ATP9B: variants seen among roughly 807,000 people sequenced by gnomAD.
The protein encoded by ATP9B is probable phospholipid-transporting ATPase IIB.
Under a neutral mutation model 146.1 loss-of-function variants are expected in ATP9B, and 110 were observed. The observed-to-expected ratio is 0.75, with a 90% CI of 0.65 to 0.88. ATP9B has a LOEUF of 0.88. Ranked by LOEUF, ATP9B falls within the 40% of genes least tolerant of loss-of-function variation. The pLI, the probability that ATP9B is intolerant of heterozygous loss-of-function variation, is 0.00. For missense variants in ATP9B, 1,499 were observed against 1,496.4 expected (o/e 1.00, Z -0.03); for synonymous variants, 604 against 569.7 (o/e 1.06, Z -0.86).
Position 79,336,730 on chromosome 18 carries a change from A to G in ATP9B, c.2112+19A>G, listed in dbSNP as rs766360356. 5 of 1,612,170 alleles carry G rather than the reference A, an allele frequency of 3.1e-6. No individual in the cohort carries two copies. The South Asian group carries it at 3.3e-5, about 11-fold the overall frequency. On this transcript the variant is annotated intron_variant, in intron 18 of 29. Coordinates refer to ENST00000426216, the MANE Select transcript of ATP9B (RefSeq NM_198531.5). ...CTTTGAGGTGAGCCGACTCCCAGCC[A>G]TCCCATCCTCCTACGACGTTTCCTT...
At chr18:79,294,872 A>G (rs1157406369) in intron 13 of ATP9B, among the ~76,000 whole-genome samples, 3 of 152,230 alleles carry the variant, frequency 2.0e-5, no homozygotes, top group African/African-American at 7.2e-5. Context: ...GTTGCCAAAA[A>G]GGAGCGATGG....
intron 15 of ATP9B, among the ~76,000 whole-genome samples, chr18:79,310,784 G>A (rs1204766470): frequency 7.0e-6 from 1 of 143,164 alleles, no homozygotes; most frequent in Non-Finnish European, 1.6e-5. Context: ...CAGACTTCCA[G>A]GGGTTTTTTT....
intron 1 of ATP9B, among the ~76,000 whole-genome samples, chr18:79,094,983 C>G (rs2074670889): frequency 6.6e-6 from 1 of 152,186 alleles, no homozygotes; most frequent in African/African-American, 2.4e-5. Context: ...CGTGCTGTTT[C>G]TCTTTGAGTT....
chr18:79,195,494 A>G (rs1375995348), intron 9 of ATP9B, among the ~76,000 whole-genome samples: 2 of 152,180 alleles, frequency 1.3e-5, no homozygotes, highest in East Asian at 1.9e-4. Flanking sequence ...GCAAGGAAAG[A>G]AAAAACCTCA....
At chr18:79,294,568 G>A (rs537371413) in intron 13 of ATP9B, among the ~76,000 whole-genome samples, 1 of 152,356 alleles carries the variant, frequency 6.6e-6, no homozygotes, top group Admixed American at 6.5e-5. Flanking sequence ...AGAGATGGAG[G>A]AGAAAGCTGT....
intron 10 of ATP9B, among the ~76,000 whole-genome samples, chr18:79,211,064 C>T (rs1028702980): frequency 2.0e-5 from 3 of 152,102 alleles, no homozygotes; most frequent in Admixed American, 6.5e-5. Flanking sequence ...GCAAATTAAA[C>T]ATATCAGTGG....
intron 1 of ATP9B, among the ~76,000 whole-genome samples, chr18:79,090,037 A>C (rs1336794686): frequency 6.6e-6 from 1 of 152,132 alleles, no homozygotes; most frequent in African/African-American, 2.4e-5. Context: ...ATCTTTCTGT[A>C]CTTGGCTTAT....
At chr18:79,088,855 A>C (rs964115318) in intron 1 of ATP9B, among the ~76,000 whole-genome samples, 8 of 152,176 alleles carry the variant, frequency 5.3e-5, no homozygotes, top group Admixed American at 3.3e-4. Context: ...CCGTGGGATA[A>C]TGAGAAACCA....
rs192639276 is a variant in ATP9B, at chr18:79,182,825, G to A, written c.873+5918G>A. Reference sequence around the variant, plus strand: ...TTGGTAGGGATCTACCTGCTGGGAGGCCTGTGACTGCCCTGCAGAGCCTGG... The same window carrying A: ...TTGGTAGGGATCTACCTGCTGGGAGACCTGTGACTGCCCTGCAGAGCCTGG... On this transcript the variant is annotated intron_variant, in intron 8 of 29. Transcript: ENST00000426216. Among the ~76,000 whole-genome samples the A allele has an allele frequency of 7.9e-3, 1,199 of 152,266 alleles. 18 individuals are homozygous for A. Among genetic ancestry groups the A allele is most frequent in the African/African-American group, 0.028 (1,156 of 41,554 alleles).
At chr18:79,251,056 T>C (rs2096017905) in intron 11 of ATP9B, among the ~76,000 whole-genome samples, 1 of 152,224 alleles carries the variant, frequency 6.6e-6, no homozygotes, top group South Asian at 2.1e-4. Flanking sequence ...AGAAGAGTTT[T>C]TGTGGCAGGC....
Position 79,121,370 on chromosome 18 carries a change from C to T in ATP9B, c.559-4897C>T, listed in dbSNP as rs1167133030. On this transcript the variant is annotated intron_variant, in intron 4 of 29. Coordinates refer to ENST00000426216, the MANE Select transcript of ATP9B (RefSeq NM_198531.5). ...ACAGTAGTTTAAATGGCCCTTCTTG[C>T]TTCCAGTTTTGATTTTTCTAGGGAG... Among the ~76,000 whole-genome samples the T allele has an allele frequency of 2.6e-5, 4 of 152,150 alleles. No homozygotes were observed. In the East Asian group the frequency reaches 7.7e-4, roughly 29 times the overall value.
chr18:79,293,176 C>T (rs2096524213), intron 13 of ATP9B, among the ~76,000 whole-genome samples: 4 of 151,292 alleles, frequency 2.6e-5, no homozygotes, highest in Admixed American at 2.0e-4. Flanking sequence ...ACTTATCCCA[C>T]TTGTACCTAA....
chr18:79,294,518 G>A (rs1377070416), intron 13 of ATP9B, among the ~76,000 whole-genome samples: 3 of 152,242 alleles, frequency 2.0e-5, no homozygotes, highest in Admixed American at 2.0e-4. Context: ...AACTGAAACC[G>A]TCAGTCCAGG....
chr18:79,073,715 C>T (rs998391434), intron 1 of ATP9B, among the ~76,000 whole-genome samples: 1 of 152,214 alleles, frequency 6.6e-6, no homozygotes, highest in Non-Finnish European at 1.5e-5. Context: ...ATTCTTTACT[C>T]TGTTATCTCC....
At chr18:79,197,719 G>A (rs1397898197) in intron 9 of ATP9B, among the ~76,000 whole-genome samples, 2 of 152,132 alleles carry the variant, frequency 1.3e-5, no homozygotes, top group South Asian at 4.1e-4. Context: ...AAAGACAGGT[G>A]CAGGAAACCC....
chr18:79,102,139 C>CA lies in ATP9B; in HGVS notation c.293+5493dup, dbSNP rs555402501. On this transcript the variant is annotated intron_variant, in intron 2 of 29. Coordinates refer to ENST00000426216, the MANE Select transcript of ATP9B (RefSeq NM_198531.5). Reference sequence around the variant, plus strand: ...TTTTTTTTGTGTATTTTGGTAGAGACAAAGTTTCACCATGTTGCCAGTCTG... The same window carrying CA: ...TTTTTTTTGTGTATTTTGGTAGAGACAAAAGTTTCACCATGTTGCCAGTCTG... 1.3e-3 allele frequency among the ~76,000 whole-genome samples: 195 copies of CA among 152,064 alleles called. 1 individual carries two copies. Among genetic ancestry groups the CA allele is most frequent in the African/African-American group, 4.5e-3 (185 of 41,502 alleles).
intron 4 of ATP9B, chr18:79,117,600 A>C (rs959883386): frequency 6.6e-5 from 10 of 152,176 alleles, no homozygotes; most frequent in Non-Finnish European, 1.2e-4. Context: ...AGTAGTTGGA[A>C]AGGAGGTCAG....
intron 10 of ATP9B, among the ~76,000 whole-genome samples, chr18:79,209,157 G>A (rs1335599629): frequency 2.6e-5 from 4 of 152,182 alleles, no homozygotes; most frequent in Admixed American, 1.3e-4. Flanking sequence ...GGACCAGAAT[G>A]GAGTCCAGCT....
intron 10 of ATP9B, among the ~76,000 whole-genome samples, chr18:79,207,791 C>G (rs1347347029): frequency 6.6e-6 from 1 of 152,086 alleles, no homozygotes; most frequent in Non-Finnish European, 1.5e-5. Flanking sequence ...CACCTGTTCT[C>G]CACCAGGCAC....
Sources: gnomAD v4.1 joint callset for allele counts (sites outside exome capture counted in the v4.1 genomes callset) on GRCh38, gnomAD v4.1.1 for gene constraint, MANE v1.5 for transcripts, NCBI Gene and HGNC (gene_info 2026-07-23, HGNC 2026-07-21) for gene names.